The following ABCA9 variants were observed in gnomAD, a reference collection of about 807,000 sequenced individuals.
ABCA9 encodes ATP-binding cassette sub-family A member 9.
Under a neutral mutation model 205.3 loss-of-function variants are expected in ABCA9, and 183 were observed. The ratio of observed to expected loss-of-function variants is 0.89; its 90% confidence interval spans 0.79 to 1.01. The LOEUF (loss-of-function observed/expected upper bound fraction) is 1.01, where lower values mean the gene tolerates loss of function less well. Ranked by LOEUF, ABCA9 falls within the 50% of genes least tolerant of loss-of-function variation. ABCA9 has a pLI of 0.00. For missense variants in ABCA9, 1,805 were observed against 1,912.4 expected (o/e 0.94, Z 1.05); for synonymous variants, 651 against 683.3 (o/e 0.95, Z 0.74).
intron 26 of ABCA9, among the ~76,000 whole-genome samples, chr17:68,993,638 T>C (rs2069524592): frequency 6.6e-6 from 1 of 152,248 alleles, no homozygotes; most frequent in African/African-American, 2.4e-5. Flanking sequence ...ATTTTGTTTC[T>C]TGAGCTATAT....
intron 1 of ABCA9, among the ~76,000 whole-genome samples, chr17:69,053,318 T>C (rs1431667098): frequency 6.6e-6 from 1 of 152,162 alleles, no homozygotes; most frequent in Admixed American, 6.5e-5. Flanking sequence ...TTCCTGGTCT[T>C]AGAAGCTCTG....
At chr17:69,021,689 C>G in intron 18 of ABCA9, 53 bp downstream of exon 18, 3 of 1,180,236 alleles carry the variant, frequency 2.5e-6, no homozygotes, top group Non-Finnish European at 3.6e-6. Context: ...TCCTTCCTTC[C>G]TTCCTTCCTT....
At chr17:69,011,635 G>A (rs1286877184) in intron 23 of ABCA9, among the ~76,000 whole-genome samples, 3 of 152,114 alleles carry the variant, frequency 2.0e-5, no homozygotes, top group Admixed American at 6.6e-5. Context: ...TTTAAACTGA[G>A]TAGCTTTAGC....
intron 1 of ABCA9, among the ~76,000 whole-genome samples, chr17:69,054,858 G>A (rs2072020343): frequency 1.3e-5 from 2 of 151,796 alleles, no homozygotes; most frequent in Non-Finnish European, 2.9e-5. Context: ...CCAATTAAGT[G>A]GTATAGTGTT....
intron 31 of ABCA9, among the ~76,000 whole-genome samples, chr17:68,987,736 G>GTTTT (rs1426405231): frequency 2.1e-5 from 3 of 144,148 alleles, no homozygotes; most frequent in African/African-American, 7.9e-5. Flanking sequence ...CCTCATTTGC[G>GTTTT]TTTTTTTTTG....
At chr17:68,996,874 A>C (rs2069643036) in intron 25 of ABCA9, among the ~76,000 whole-genome samples, 1 of 152,198 alleles carries the variant, frequency 6.6e-6, no homozygotes, top group Admixed American at 6.5e-5. Flanking sequence ...AGCTGCTAAT[A>C]CTGAACCATT....
intron 31 of ABCA9, among the ~76,000 whole-genome samples, chr17:68,988,670 C>T (rs527651238): frequency 4.7e-4 from 71 of 152,210 alleles, no homozygotes; most frequent in African/African-American, 1.5e-3. Context: ...ACCACATAGG[C>T]AGGAGTTGTC....
chr17:69,072,884 C>G, the ABCA9 span, among the ~76,000 whole-genome samples: 42,890 of 151,976 alleles, frequency 0.28, 6,515 homozygotes, highest in East Asian at 0.59. Flanking sequence ...ATAGGCTGCT[C>G]AAAATGAAGG....
intron 32 of ABCA9, among the ~76,000 whole-genome samples, chr17:68,985,896 G>C (rs1201785023): frequency 1.3e-5 from 2 of 151,956 alleles, no homozygotes; most frequent in African/African-American, 4.8e-5. Flanking sequence ...GGCGGAGGTT[G>C]CACTGAGCAC....
intron 5 of ABCA9, among the ~76,000 whole-genome samples, 198 bp from the exon 6 acceptor site, chr17:69,043,913 T>C (rs1332764009): frequency 6.6e-6 from 1 of 152,210 alleles, no homozygotes; most frequent in African/African-American, 2.4e-5. Flanking sequence ...TCAACCTCAC[T>C]GGACAAAACG....
In ABCA9 at chr17:69,035,783, C is replaced by A; in HGVS notation, c.819G>T (p.Met273Ile). 1 of 1,612,328 alleles carries A rather than the reference C, an allele frequency of 6.2e-7. No individual in the cohort carries two copies. The highest frequency in any genetic ancestry group is 2.2e-5 in the East Asian group (1 of 44,816). ...ESAFWLSWGL[M>I]YAGFILIMAT... Reference sequence around the variant, plus strand: ...CCATGATAAGGATGAAGCCAGCATACATCAAACCCCAGGAAAGCCTAGCAG... The same window carrying A: ...CCATGATAAGGATGAAGCCAGCATAAATCAAACCCCAGGAAAGCCTAGCAG... Residue 273 changes from methionine (M) to isoleucine (I), a missense_variant, in exon 7 of 39, where the codon ATG becomes ATT. Met to Ile is a conservative substitution (Grantham distance 10). Coordinates refer to ENST00000340001, the MANE Select transcript of ABCA9 (RefSeq NM_080283.4).
chr17:68,980,738 G>A (rs1181102566), intron 37 of ABCA9, among the ~76,000 whole-genome samples: 3 of 136,938 alleles, frequency 2.2e-5, no homozygotes, highest in Admixed American at 1.6e-4. Flanking sequence ...CACAGGAAGG[G>A]GAACATCACA....
upstream of ABCA9, among the ~76,000 whole-genome samples, chr17:69,062,628 A>G (rs1291297313): frequency 6.6e-6 from 1 of 152,102 alleles, no homozygotes; most frequent in Admixed American, 6.5e-5. Flanking sequence ...CTCCTGCCTC[A>G]GCCTCCACAG....
In ABCA9 at chr17:69,045,294, T is replaced by G. The variant is rs2071674471; in HGVS notation, c.347A>C (p.Glu116Ala). The G allele has an allele frequency of 6.2e-7, 1 of 1,612,476 alleles. No individual in the cohort carries two copies. The highest frequency in any genetic ancestry group is 1.7e-5 in the Admixed American group (1 of 59,874). The change falls in exon 4 of 39, where the codon GAA (glutamate) becomes GCA (alanine). Residue 116 changes from glutamate to alanine, a missense_variant. By Grantham distance (107) the Glu-to-Ala change is moderately radical (BLOSUM62 -1). Coordinates refer to ENST00000340001, the MANE Select transcript of ABCA9 (RefSeq NM_080283.4). ...MGWPDEKSMD[E>A]LDLNYSIDAV... ...GTCTATTGAATAGTTCAAATCCAAT[T>G]CATCCATGCTTTTTTCATCAGGCCA...
intron 22 of ABCA9, among the ~76,000 whole-genome samples, chr17:69,013,423 T>C (rs904689128): frequency 1.3e-5 from 2 of 152,002 alleles, no homozygotes; most frequent in African/African-American, 4.8e-5. Flanking sequence ...TCTAAAGATG[T>C]GTTTGTGTAG....
At chr17:69,041,762 T>TATCTATCC (rs371129246) in intron 6 of ABCA9, among the ~76,000 whole-genome samples, 2 of 151,720 alleles carry the variant, frequency 1.3e-5, no homozygotes, top group Non-Finnish European at 1.5e-5. Flanking sequence ...TCTATCTATC[T>TATCTATCC]TGACCAAATT....
intron 19 of ABCA9, among the ~76,000 whole-genome samples, chr17:69,019,355 A>G (rs2070740215): frequency 6.6e-6 from 1 of 152,150 alleles, no homozygotes; most frequent in African/African-American, 2.4e-5. Context: ...AGCTCTTTGA[A>G]TATATTTCAA....
chr17:69,021,560 C>A (rs1012170108), intron 18 of ABCA9, among the ~76,000 whole-genome samples, 182 bp downstream of exon 18: 2 of 152,034 alleles, frequency 1.3e-5, no homozygotes, highest in African/African-American at 2.4e-5. Context: ...AGATATATTT[C>A]TTCTCTAAGT....
chr17:69,021,283 TA>T (rs539659802), intron 18 of ABCA9, among the ~76,000 whole-genome samples: 44 of 151,524 alleles, frequency 2.9e-4, no homozygotes, highest in African/African-American at 9.9e-4. Context: ...AGTGAACCAG[TA>T]AAAAAAATTA....
Sources: gnomAD v4.1 joint callset for allele counts (sites outside exome capture counted in the v4.1 genomes callset) on GRCh38, gnomAD v4.1.1 for gene constraint, MANE v1.5 for transcripts, NCBI Gene and HGNC (gene_info 2026-07-23, HGNC 2026-07-21) for gene names.